ARHGAP10: variants seen among roughly 807,000 people sequenced by gnomAD.
The protein encoded by ARHGAP10 is Rho GTPase activating protein 10.
A neutral mutation model predicts 108.6 loss-of-function variants in ARHGAP10; 87 were observed. The observed-to-expected ratio is 0.80, with a 90% CI of 0.67 to 0.96. The LOEUF (loss-of-function observed/expected upper bound fraction) is 0.96. Among genes scored for constraint, ARHGAP10 ranks in the 40% least tolerant of loss-of-function variants. The pLI is 0.00. For missense variants in ARHGAP10, 939 were observed against 954.5 expected (o/e 0.98, Z 0.21); for synonymous variants, 347 against 341.1 (o/e 1.02, Z -0.19).
intron 18 of ARHGAP10, among the ~76,000 whole-genome samples, chr4:148,009,175 A>G (rs1741074683): frequency 1.3e-5 from 2 of 150,650 alleles, no homozygotes; most frequent in Admixed American, 1.3e-4. Flanking sequence ...TTTGTCGCTC[A>G]GCTGGAGTGC....
intron 18 of ARHGAP10, among the ~76,000 whole-genome samples, chr4:148,002,201 A>G (rs1740749429): frequency 6.6e-6 from 1 of 152,174 alleles, no homozygotes; most frequent in Non-Finnish European, 1.5e-5. Context: ...TTCTGTTTAT[A>G]TGATGGATTA....
chr4:147,966,397 T>G lies in ARHGAP10; in HGVS notation c.1557-283T>G, dbSNP rs76532761. Among the ~76,000 whole-genome samples the G allele has an allele frequency of 7.4e-3, 1,123 of 152,296 alleles. 14 individuals carry two copies. The highest frequency in any genetic ancestry group is 0.026 in the African/African-American group (1,061 of 41,560). ...CTGCAGACTTTGGTGTCTGTAGGGA[T>G]TCTGGCATCAATTCCCAGGGGATAC... is the stretch of plus-strand genomic sequence containing the variant. On this transcript the variant is annotated intron_variant, in intron 17 of 22. Transcript: ENST00000336498.
chr4:147,738,920 C>T (rs529184199), intron 1 of ARHGAP10, among the ~76,000 whole-genome samples: 2 of 152,016 alleles, frequency 1.3e-5, no homozygotes, highest in African/African-American at 4.8e-5. Context: ...CAGTGGCTCA[C>T]GTCTGTAATC....
intron 13 of ARHGAP10, among the ~76,000 whole-genome samples, chr4:147,926,525 G>C (rs564489084): frequency 6.6e-6 from 1 of 152,238 alleles, no homozygotes; most frequent in East Asian, 1.9e-4. Context: ...GTTTGGGAGG[G>C]ATAGAGACTG....
intron 18 of ARHGAP10, among the ~76,000 whole-genome samples, chr4:147,986,852 T>C (rs1740062920): frequency 6.6e-6 from 1 of 152,156 alleles, no homozygotes; most frequent in African/African-American, 2.4e-5. Context: ...CAAATTCACA[T>C]AGTTGGTAAG....
At chr4:147,858,378 C>T (rs1398853908) in intron 5 of ARHGAP10, 2 of 151,988 alleles carry the variant, frequency 1.3e-5, no homozygotes, top group African/African-American at 4.8e-5. Flanking sequence ...CATAAGGAAT[C>T]TGGACATTAT....
chr4:147,950,669 G>A (rs1240332587), intron 15 of ARHGAP10, among the ~76,000 whole-genome samples: 1 of 152,108 alleles, frequency 6.6e-6, no homozygotes, highest in Non-Finnish European at 1.5e-5. Context: ...GGACCGATGT[G>A]TGGCATCCCT....
intron 1 of ARHGAP10, among the ~76,000 whole-genome samples, chr4:147,766,763 A>G (rs942110528): frequency 6.9e-6 from 1 of 144,972 alleles, no homozygotes; most frequent in Non-Finnish European, 1.5e-5. Flanking sequence ...TCATGCATAT[A>G]TATTTTGAGC....
Position 147,854,807 on chromosome 4 carries a change from C to T in ARHGAP10, c.385-2746C>T, listed in dbSNP as rs959154075. The T allele has an allele frequency of 4.1e-6, 4 of 985,202 alleles. No individual in the cohort carries two copies. In the Admixed American group the frequency reaches 1.8e-4, roughly 45 times the overall value. The allele number at this position is 985,202 out of a possible 1,614,324, so 61.0% of individuals were successfully genotyped here. On this transcript the variant is annotated intron_variant, in intron 4 of 22. Coordinates refer to ENST00000336498, the MANE Select transcript of ARHGAP10 (RefSeq NM_024605.4). Reference sequence around the variant, plus strand: ...ACAGCAGCATTTGTATAATACCATACCATATATGGACGAAGATATTTCTAT... The same window carrying T: ...ACAGCAGCATTTGTATAATACCATATCATATATGGACGAAGATATTTCTAT...
At chr4:147,815,278 T>C (rs1732191402) in intron 1 of ARHGAP10, among the ~76,000 whole-genome samples, 1 of 152,164 alleles carries the variant, frequency 6.6e-6, no homozygotes, top group Non-Finnish European at 1.5e-5. Flanking sequence ...TCTTCTGTTG[T>C]AGTGATAGTT....
chr4:148,072,201 A>C lies in ARHGAP10; in HGVS notation c.*120A>C. ...ACAGGTACCTCCACACTTGGGAGTT[A>C]CCATCATCACAGTCAGCCCTGGGGG... On this transcript the variant is annotated 3_prime_UTR_variant, in exon 23 of 23. Transcript: ENST00000336498. The C allele has an allele frequency of 1.6e-6, 1 of 617,966 alleles. No individual in the cohort carries two copies. Among genetic ancestry groups the C allele is most frequent in the Non-Finnish European group, 2.6e-6 (1 of 390,438 alleles). 38.3% of individuals were successfully genotyped at this position (617,966 alleles called of 1,614,324 possible). A position where few individuals can be genotyped will look rare whatever the true frequency, so the allele number is the denominator to read the frequency against.
At chr4:147,757,998 A>T (rs1447373066) in intron 1 of ARHGAP10, among the ~76,000 whole-genome samples, 1 of 152,126 alleles carries the variant, frequency 6.6e-6, no homozygotes, top group South Asian at 2.1e-4. Flanking sequence ...GTGCACCCCT[A>T]TTGGTTTTAT....
intron 4 of ARHGAP10, among the ~76,000 whole-genome samples, chr4:147,849,888 T>C (rs1172065224): frequency 6.6e-6 from 1 of 152,236 alleles, no homozygotes; most frequent in African/African-American, 2.4e-5. Context: ...ATGTGCTTGC[T>C]AGGTTCTAGC....
At chr4:148,063,429 T>C (rs1729715594) in intron 21 of ARHGAP10, 129 bp downstream of exon 21, 2 of 1,251,796 alleles carry the variant, frequency 1.6e-6, no homozygotes, top group Non-Finnish European at 2.2e-6. Context: ...CTGGACTTCA[T>C]GGACAGCACT....
chr4:147,873,095 TGA>T (rs1369224730), intron 7 of ARHGAP10, among the ~76,000 whole-genome samples: 2 of 152,226 alleles, frequency 1.3e-5, no homozygotes, highest in African/African-American at 4.8e-5. Context: ...TCCTTAGCTG[TGA>T]GCACACTGTG....
At chr4:147,916,041 G>A (rs1339449319) in intron 13 of ARHGAP10, among the ~76,000 whole-genome samples, 1 of 152,148 alleles carries the variant, frequency 6.6e-6, no homozygotes. Flanking sequence ...CCCAGGGGTC[G>A]AGGCTACAGT....
At chr4:148,016,246 G>A (rs1741341761) in intron 18 of ARHGAP10, among the ~76,000 whole-genome samples, 1 of 152,194 alleles carries the variant, frequency 6.6e-6, no homozygotes, top group South Asian at 2.1e-4. Context: ...ACTCATACCT[G>A]TAATCCCAGT....
intron 1 of ARHGAP10, among the ~76,000 whole-genome samples, chr4:147,737,577 T>C (rs1156983834): frequency 6.6e-6 from 1 of 152,188 alleles, no homozygotes; most frequent in African/African-American, 2.4e-5. Context: ...AATTGCAGGG[T>C]AATTTTTTCC....
intron 20 of ARHGAP10, among the ~76,000 whole-genome samples, chr4:148,060,317 G>T (rs943404234): frequency 6.7e-6 from 1 of 149,448 alleles, no homozygotes; most frequent in Non-Finnish European, 1.5e-5. Context: ...GAAGGTAAGA[G>T]ATGGTTACAT....
Sources: allele counts gnomAD v4.1 joint callset (sites outside exome capture counted in the v4.1 genomes callset), GRCh38; gene constraint gnomAD v4.1.1; transcripts MANE v1.5; gene names NCBI Gene and HGNC (gene_info 2026-07-23, HGNC 2026-07-21).